MAGI1: variants seen among roughly 807,000 people sequenced by gnomAD.
MAGI1 encodes membrane associated guanylate kinase, WW and PDZ domain containing 1, also known as membrane-associated guanylate kinase, WW and PDZ domain-containing protein 1.
In MAGI1, 58 loss-of-function variants were observed where a neutral mutation model predicts 139.9. The ratio of observed to expected loss-of-function variants is 0.41; its 90% confidence interval spans 0.34 to 0.52. The LOEUF (loss-of-function observed/expected upper bound fraction) is 0.52. Ranked by LOEUF, MAGI1 falls within the 20% of genes least tolerant of loss-of-function variation. MAGI1 has a pLI of 0.12. For missense variants in MAGI1, 1,874 were observed against 1,901.6 expected (o/e 0.99, Z 0.27); for synonymous variants, 812 against 737.9 (o/e 1.10, Z -1.63).
chr3:65,647,357 A>G (rs11131034), intron 1 of MAGI1, among the ~76,000 whole-genome samples: 18,114 of 152,236 alleles, frequency 0.12, 1,367 homozygotes, highest in East Asian at 0.39. Context: ...CAAATTGAAG[A>G]GAAAACAAGA....
At position 65,408,694 on chromosome 3, in the gene MAGI1, C is replaced by G. The variant is rs1053680178; in HGVS notation, c.2168-7224G>C. 3.3e-5 allele frequency among the ~76,000 whole-genome samples: 5 copies of G among 152,266 alleles called. No homozygotes were observed. In the East Asian group the frequency reaches 9.6e-4, roughly 29 times the overall value. Reference sequence around the variant, plus strand: ...CTTTGTTTAATAGAGAATATATAAGCCATGAAATAAATTTAAACTGTTCTC... The same window carrying G: ...CTTTGTTTAATAGAGAATATATAAGGCATGAAATAAATTTAAACTGTTCTC... On this transcript the variant is annotated intron_variant, in intron 12 of 22. Coordinates refer to ENST00000402939, the MANE Select transcript of MAGI1 (RefSeq NM_001033057.2).
At position 65,356,676 on chromosome 3, in the gene MAGI1, T is replaced by A; in HGVS notation, c.4091A>T (p.Asp1364Val). The change falls in exon 23 of 23, where the codon GAC becomes GTC. Residue 1364 changes from aspartate to valine, a missense_variant. Asp to Val is a radical substitution (Grantham distance 152, BLOSUM62 -3). Around this residue, in one of 5 missense-constraint regions of MAGI1, gnomAD observed 653 missense variants for 644.5 expected, o/e 1.01. Transcript: ENST00000402939. Reference sequence around the variant, plus strand: ...CCGTCTCCGCCGGCTGGGGGAGCCGTCTCTCCTGCGGGTGGGTGACCGCTC... The same window carrying A: ...CCGTCTCCGCCGGCTGGGGGAGCCGACTCTCCTGCGGGTGGGTGACCGCTC... Reference protein sequence around the residue: ...RRERSPTRRRDGSPSRRRRSL... With the variant: ...RRERSPTRRRVGSPSRRRRSL... 6.3e-7 allele frequency: 1 copy of A among 1,585,782 alleles called. No homozygotes were observed. The highest frequency in any genetic ancestry group is 8.6e-7 in the Non-Finnish European group (1 of 1,167,068).
chr3:65,414,300 C>T (rs932819972), intron 12 of MAGI1, among the ~76,000 whole-genome samples: 1 of 152,214 alleles, frequency 6.6e-6, no homozygotes, highest in Non-Finnish European at 1.5e-5. Context: ...TTGGATTTCA[C>T]TTCTCTGGGT....
At chr3:65,490,461 C>T (rs111795423) in intron 3 of MAGI1, among the ~76,000 whole-genome samples, 4 of 152,208 alleles carry the variant, frequency 2.6e-5, no homozygotes, top group African/African-American at 7.2e-5. Flanking sequence ...AGCCCTACTC[C>T]GATGAGGGTA....
intron 2 of MAGI1, among the ~76,000 whole-genome samples, chr3:65,515,331 C>G (rs9845819): frequency 0.63 from 95,497 of 151,940 alleles, 30,394 homozygotes; most frequent in East Asian, 0.95. Context: ...CATTTGAAGA[C>G]AGCAATTTTT....
intron 1 of MAGI1, among the ~76,000 whole-genome samples, chr3:65,793,536 G>C (rs963441325): frequency 1.3e-5 from 2 of 152,226 alleles, no homozygotes; most frequent in South Asian, 2.1e-4. Flanking sequence ...AATCTTCAAA[G>C]TATTTATAAG....
chr3:65,423,988 C>G (rs1184215555), intron 12 of MAGI1, among the ~76,000 whole-genome samples: 4 of 152,216 alleles, frequency 2.6e-5, no homozygotes, highest in Non-Finnish European at 5.9e-5. Context: ...AGCATAGAAG[C>G]TAACAATCAC....
chr3:65,467,190 C>A (rs1950228382), intron 5 of MAGI1, among the ~76,000 whole-genome samples: 1 of 152,138 alleles, frequency 6.6e-6, no homozygotes. Flanking sequence ...CTATACAATG[C>A]CAAAGGTTTA....
At chr3:65,607,212 G>A (rs79390719) in intron 2 of MAGI1, among the ~76,000 whole-genome samples, 4,367 of 151,346 alleles carry the variant, frequency 0.029, 105 homozygotes, top group African/African-American at 0.053. Flanking sequence ...TCCAAGAATA[G>A]TGCCTCCCTG....
At chr3:65,482,301 T>C (rs1951340460) in intron 3 of MAGI1, among the ~76,000 whole-genome samples, 1 of 152,210 alleles carries the variant, frequency 6.6e-6, no homozygotes, top group African/African-American at 2.4e-5. Context: ...TATGCTGAAG[T>C]CTGCCACTAT....
At chr3:65,966,544 G>C (rs1366386584) in intron 1 of MAGI1, among the ~76,000 whole-genome samples, 1 of 151,406 alleles carries the variant, frequency 6.6e-6, no homozygotes, top group East Asian at 2.0e-4. Context: ...CTTGAGCCTA[G>C]AAGTTCGAGG....
At chr3:65,741,969 G>A (rs2035312713) in intron 1 of MAGI1, among the ~76,000 whole-genome samples, 1 of 152,190 alleles carries the variant, frequency 6.6e-6, no homozygotes. Flanking sequence ...ACAGCATAGA[G>A]GAGGTGCCAC....
chr3:65,392,487 A>G (rs1944009450), intron 13 of MAGI1, among the ~76,000 whole-genome samples: 1 of 152,198 alleles, frequency 6.6e-6, no homozygotes, highest in African/African-American at 2.4e-5. Flanking sequence ...TAGATCCTGT[A>G]GAGCTCGTGG....
At chr3:65,906,468 C>G (rs1360060364) in intron 1 of MAGI1, among the ~76,000 whole-genome samples, 1 of 152,182 alleles carries the variant, frequency 6.6e-6, no homozygotes, top group East Asian at 1.9e-4. Flanking sequence ...GGATATCACC[C>G]CCACCTTTCT....
intron 1 of MAGI1, among the ~76,000 whole-genome samples, chr3:65,912,289 G>A (rs906644395): frequency 6.7e-6 from 1 of 150,058 alleles, no homozygotes. Flanking sequence ...TCGTGTTCTC[G>A]CACTGTAGAA....
At chr3:65,923,248 T>C (rs1162200689) in intron 1 of MAGI1, among the ~76,000 whole-genome samples, 2 of 138,310 alleles carry the variant, frequency 1.4e-5, no homozygotes, top group Admixed American at 7.6e-5. Context: ...TTTTTTGAGA[T>C]GGAGTCTCGC....
intron 7 of MAGI1, among the ~76,000 whole-genome samples, 163 bp from the exon 8 acceptor site, chr3:65,443,012 A>G (rs1375714840): frequency 6.6e-6 from 1 of 152,096 alleles, no homozygotes; most frequent in African/African-American, 2.4e-5. Flanking sequence ...CTATTATTTT[A>G]TAAGTGTATT....
chr3:65,562,359 C>A (rs2080398643), intron 2 of MAGI1, among the ~76,000 whole-genome samples: 1 of 152,186 alleles, frequency 6.6e-6, no homozygotes, highest in South Asian at 2.1e-4. Context: ...TTGTAGAATG[C>A]ATTTTGAATT....
At chr3:65,453,930 G>A (rs1949206522) in intron 5 of MAGI1, among the ~76,000 whole-genome samples, 2 of 152,186 alleles carry the variant, frequency 1.3e-5, no homozygotes, top group African/African-American at 4.8e-5. Flanking sequence ...CTGGACCAAG[G>A]ATAAGCTTGG....
Sources: allele counts gnomAD v4.1 joint callset (sites outside exome capture counted in the v4.1 genomes callset), GRCh38; gene constraint gnomAD v4.1.1; regional missense constraint gnomAD v4.1.1; transcripts MANE v1.5; gene names NCBI Gene and HGNC (gene_info 2026-07-23, HGNC 2026-07-21).